The following ZNF638 variants were observed in gnomAD, a reference collection of about 807,000 sequenced individuals.
ZNF638 encodes CTCL tumor antigen se33-1.
ZNF638 carries 46 observed loss-of-function variants against 195.6 expected under a neutral mutation model. That is an observed-to-expected ratio of 0.24 (90% CI 0.19 to 0.30). ZNF638 has a LOEUF of 0.30. Among genes scored for constraint, ZNF638 ranks in the 10% least tolerant of loss-of-function variants. The pLI, the probability that ZNF638 is intolerant of heterozygous loss-of-function variation, is 1.00. For missense variants in ZNF638, 2,440 were observed against 2,325.3 expected (o/e 1.05, Z -1.01); for synonymous variants, 845 against 772.0 (o/e 1.09, Z -1.57).
At chr2:71,333,504 C>G (rs2078609639) in intron 1 of ZNF638, among the ~76,000 whole-genome samples, 1 of 152,090 alleles carries the variant, frequency 6.6e-6, no homozygotes, top group Non-Finnish European at 1.5e-5. Context: ...GGCAGGTACT[C>G]TAGGTTAAAA....
At chr2:71,351,588 TAATG>T (rs536760474) in intron 2 of ZNF638, among the ~76,000 whole-genome samples, 1 of 152,208 alleles carries the variant, frequency 6.6e-6, no homozygotes, top group South Asian at 2.1e-4. Context: ...TAATTAATCA[TAATG>T]AATCCAAGAA....
At chr2:71,377,046 G>A (rs1238971053) in intron 8 of ZNF638, among the ~76,000 whole-genome samples, 2 of 152,178 alleles carry the variant, frequency 1.3e-5, no homozygotes, top group African/African-American at 4.8e-5. Context: ...GCCGAGGCAG[G>A]ATGATTGCTT....
intron 20 of ZNF638, among the ~76,000 whole-genome samples, chr2:71,410,992 C>CTTTTTTTT (rs775391313): frequency 1.2e-4 from 3 of 24,506 alleles, no homozygotes; most frequent in African/African-American, 1.5e-4. Context: ...CTCCCCCCCC[C>CTTTTTTTT]TTTTTTTTTT....
At chr2:71,428,203 GA>G (rs758748902) in intron 24 of ZNF638, among the ~76,000 whole-genome samples, 1 of 151,470 alleles carries the variant, frequency 6.6e-6, no homozygotes, top group African/African-American at 2.4e-5. Context: ...CCAAAAAGAA[GA>G]AAAAAAACCT....
chr2:71,362,783 A>G (rs3771374), intron 3 of ZNF638, among the ~76,000 whole-genome samples: 70,855 of 152,006 alleles, frequency 0.47, 18,382 homozygotes, highest in Admixed American at 0.6. Flanking sequence ...GGCACCATTC[A>G]TGTTGTATTC....
At position 71,350,002 on chromosome 2, in the gene ZNF638, C is replaced by T. The variant is rs768672769; in HGVS notation, c.1048C>T (p.Arg350Trp). The T allele has an allele frequency of 2.2e-5, 35 of 1,614,058 alleles. No homozygotes were observed. Among genetic ancestry groups the T allele is most frequent in the Non-Finnish European group, 2.4e-5 (28 of 1,180,030 alleles). The change falls in exon 2 of 28, where the codon CGG (arginine) becomes TGG (tryptophan). Residue 350 changes from arginine to tryptophan, a missense_variant. Coordinates refer to ENST00000264447, the MANE Select transcript of ZNF638 (RefSeq NM_014497.5). ...AATTTCATCTGTAAGCCAGCAAGAG[C>T]GGATCCCACATGAACCTGTGATTAA... ...ELISSVSQQE[R>W]IPHEPVINSS... is the part of the protein sequence containing the mutation.
chr2:71,380,446 C>A, intron 9 of ZNF638, 67 bp from the exon 10 acceptor site: 1 of 1,408,334 alleles, frequency 7.1e-7, no homozygotes, highest in Non-Finnish European at 9.7e-7. Flanking sequence ...TTAAATATTA[C>A]ATTTTTAGGA....
intron 19 of ZNF638, among the ~76,000 whole-genome samples, chr2:71,406,909 A>G (rs747766209): frequency 1.3e-5 from 2 of 152,088 alleles, no homozygotes; most frequent in African/African-American, 2.4e-5. Flanking sequence ...CTGAGGCAGG[A>G]GGATGGTTTG....
intron 24 of ZNF638, among the ~76,000 whole-genome samples, chr2:71,427,806 A>G (rs2080569752): frequency 6.6e-6 from 1 of 152,208 alleles, no homozygotes; most frequent in South Asian, 2.1e-4. Flanking sequence ...TTTATAAAGG[A>G]ACTATTTGAT....
At chr2:71,421,552 C>G (rs1430674105) in intron 21 of ZNF638, among the ~76,000 whole-genome samples, 2 of 152,074 alleles carry the variant, frequency 1.3e-5, no homozygotes, top group Non-Finnish European at 2.9e-5. Flanking sequence ...TGTGGTAGCA[C>G]AACTTTCTTA....
chr2:71,411,439 T>A (rs1458070032), intron 20 of ZNF638, among the ~76,000 whole-genome samples: 3 of 137,536 alleles, frequency 2.2e-5, no homozygotes, highest in Non-Finnish European at 3.1e-5. Flanking sequence ...TTGAGTTTTT[T>A]ATTTTTTTTA....
At chr2:71,377,918 G>T (rs894408437) in intron 8 of ZNF638, among the ~76,000 whole-genome samples, 1 of 152,214 alleles carries the variant, frequency 6.6e-6, no homozygotes, top group African/African-American at 2.4e-5. Flanking sequence ...AGTTGGGTGG[G>T]AAAAAGATTA....
chr2:71,332,131 G>T lies in ZNF638; in HGVS notation c.-203+256G>T, dbSNP rs538894004. Among the ~76,000 whole-genome samples, 12 of 152,358 alleles carry T rather than the reference G, an allele frequency of 7.9e-5. No homozygotes were observed. In the South Asian group the frequency reaches 2.3e-3, roughly 29 times the overall value. Reference sequence around the variant, plus strand: ...CCCGGGAGGGCCCGTCCGGGTACTCGTGAAGGACCCTGCCTCGAGAAGAGC... The same window carrying T: ...CCCGGGAGGGCCCGTCCGGGTACTCTTGAAGGACCCTGCCTCGAGAAGAGC... On this transcript the variant is annotated intron_variant, in intron 1 of 27. Transcript: ENST00000264447.
At chr2:71,343,766 G>A (rs2078803538) in intron 1 of ZNF638, among the ~76,000 whole-genome samples, 1 of 152,090 alleles carries the variant, frequency 6.6e-6, no homozygotes, top group Non-Finnish European at 1.5e-5. Flanking sequence ...TGAATTTTCT[G>A]CTTTCTGCTC....
At position 71,377,463 on chromosome 2, in the gene ZNF638, G is replaced by A. The variant is rs151232504; in HGVS notation, c.2266-2759G>A. 2.4e-3 allele frequency among the ~76,000 whole-genome samples: 363 copies of A among 152,296 alleles called. 1 individual carries two copies. Among genetic ancestry groups the A allele is most frequent in the African/African-American group, 8.4e-3 (351 of 41,558 alleles). ...TTGCATGGATATGAAAAATAATGCT[G>A]GGCGTTAGTGAATATTTGAGCATTA... On this transcript the variant is annotated intron_variant, in intron 8 of 27. Coordinates refer to ENST00000264447, the MANE Select transcript of ZNF638 (RefSeq NM_014497.5).
chr2:71,333,078 G>A lies in ZNF638; in HGVS notation c.-203+1203G>A, dbSNP rs141925054. 5 of 152,260 alleles carry A rather than the reference G, an allele frequency of 3.3e-5. No homozygotes were observed. In the East Asian group the frequency reaches 9.6e-4, roughly 29 times the overall value. The allele number at this position is 152,260 out of a possible 1,614,324, so 9.4% of individuals were successfully genotyped here. On this transcript the variant is annotated intron_variant, in intron 1 of 27. Coordinates refer to ENST00000264447, the MANE Select transcript of ZNF638 (RefSeq NM_014497.5). ...GGAGAAAAGGATTGACCAAAAAAAG[G>A]TGAATTTAAGGAAGTTTTCGGAGAA...
intron 1 of ZNF638, among the ~76,000 whole-genome samples, chr2:71,337,879 C>T (rs2078698291): frequency 6.6e-6 from 1 of 151,946 alleles, no homozygotes; most frequent in Admixed American, 6.6e-5. Context: ...CATAGTCTGC[C>T]TTTATCTTTT....
chr2:71,368,461 A>T lies in ZNF638; in HGVS notation c.2075A>T (p.Asp692Val). 6.2e-7 allele frequency: 1 copy of T among 1,613,676 alleles called. No individual in the cohort carries two copies. Among genetic ancestry groups the T allele is most frequent in the Non-Finnish European group, 8.5e-7 (1 of 1,179,756 alleles). ...CCAGAGGATGGTTGTACTGAAGAAG[A>T]TGTGAGAAAATTATTTCAACCATTT... ...ELPEDGCTEE[D>V]VRKLFQPFGK... Residue 692 changes from aspartate (D) to valine (V), a missense_variant, in exon 7 of 28, where the codon GAT becomes GTT. By Grantham distance (152) the Asp-to-Val change is radical. Around this residue, in one of 5 missense-constraint regions of ZNF638, gnomAD observed 1,883 missense variants for 1,739.1 expected, o/e 1.08. Coordinates refer to ENST00000264447, the MANE Select transcript of ZNF638 (RefSeq NM_014497.5).
chr2:71,389,039 A>T (rs1180929871), intron 10 of ZNF638, among the ~76,000 whole-genome samples: 1 of 152,156 alleles, frequency 6.6e-6, no homozygotes, highest in East Asian at 1.9e-4. Flanking sequence ...TATGGGCCTT[A>T]GTTAGGGCTG....
Sources: gnomAD v4.1 joint callset for allele counts (sites outside exome capture counted in the v4.1 genomes callset) on GRCh38, gnomAD v4.1.1 for gene constraint, gnomAD v4.1.1 regional missense constraint, MANE v1.5 for transcripts, NCBI Gene and HGNC (gene_info 2026-07-23, HGNC 2026-07-21) for gene names.